The following MGAT4C variants were observed in gnomAD, a reference collection of about 807,000 sequenced individuals.
MGAT4C encodes the protein MGAT4 family member C.
MGAT4C carries 19 observed loss-of-function variants against 40.1 expected under a neutral mutation model. The ratio of observed to expected loss-of-function variants is 0.47; its 90% CI spans 0.33 to 0.70. The LOEUF (loss-of-function observed/expected upper bound fraction) is 0.70, where lower values mean the gene tolerates loss of function less well. Among genes scored for constraint, MGAT4C ranks in the 30% least tolerant of loss-of-function variants. MGAT4C has a pLI of 0.02. For missense variants in MGAT4C, 491 were observed against 563.2 expected (o/e 0.87, Z 1.30); for synonymous variants, 181 against 187.1 (o/e 0.97, Z 0.27).
intron 1 of MGAT4C, among the ~76,000 whole-genome samples, chr12:86,248,955 A>T (rs1246005855): frequency 6.6e-6 from 1 of 152,188 alleles, no homozygotes; most frequent in African/African-American, 2.4e-5. Context: ...ACTGTAAATC[A>T]CATGCCACTT....
At chr12:86,085,714 T>C (rs7294859) in intron 1 of MGAT4C, among the ~76,000 whole-genome samples, 121,942 of 152,070 alleles carry the variant, frequency 0.8, 49,609 homozygotes, top group East Asian at 0.97. Flanking sequence ...ACAACCATAT[T>C]AAAAGGTGGG....
intron 3 of MGAT4C, among the ~76,000 whole-genome samples, chr12:86,425,238 C>T (rs1389720318): frequency 1.3e-5 from 2 of 152,112 alleles, no homozygotes; most frequent in African/African-American, 2.4e-5. Flanking sequence ...AATACACTGA[C>T]AATATTTTCA....
intron 1 of MGAT4C, among the ~76,000 whole-genome samples, chr12:86,212,852 G>A (rs2452810): frequency 0.54 from 21,297 of 39,684 alleles, 6,722 homozygotes; most frequent in Middle Eastern, 0.72. Flanking sequence ...AGATCCCGCA[G>A]CTGCACTCCA....
intron 2 of MGAT4C, among the ~76,000 whole-genome samples, chr12:86,674,122 T>A (rs1177416645): frequency 6.6e-6 from 1 of 152,140 alleles, no homozygotes; most frequent in African/African-American, 2.4e-5. Context: ...TACAGTCAAA[T>A]ATCCAGAGAG....
intron 1 of MGAT4C, among the ~76,000 whole-genome samples, chr12:86,741,953 C>G (rs1221978425): frequency 1.3e-5 from 2 of 151,390 alleles, no homozygotes; most frequent in Non-Finnish European, 3.0e-5. Flanking sequence ...TGTATTTAAA[C>G]AACATTATTT....
intron 2 of MGAT4C, among the ~76,000 whole-genome samples, chr12:86,569,661 C>T (rs796476806): frequency 6.6e-6 from 1 of 151,734 alleles, no homozygotes; most frequent in South Asian, 2.1e-4. Flanking sequence ...ATAGAAGTAC[C>T]AAAAATTGGG....
intron 1 of MGAT4C, among the ~76,000 whole-genome samples, chr12:86,104,582 A>G (rs1875794124): frequency 6.6e-6 from 1 of 152,168 alleles, no homozygotes; most frequent in South Asian, 2.1e-4. Context: ...AGAAAAAGAT[A>G]ACTTTTGTTT....
At chr12:86,822,549 T>C (rs1484027347) in intron 1 of MGAT4C, among the ~76,000 whole-genome samples, 1 of 120,128 alleles carries the variant, frequency 8.3e-6, no homozygotes, top group Non-Finnish European at 1.9e-5. Context: ...GCTATACTTA[T>C]ATCAGACAAA....
chr12:86,005,038 C>T lies in MGAT4C; in HGVS notation c.-6-15486G>A, dbSNP rs562348240. Among the ~76,000 whole-genome samples the T allele has an allele frequency of 8.0e-4, 122 of 152,282 alleles. 1 individual carries two copies. Among genetic ancestry groups the T allele is most frequent in the Non-Finnish European group, 1.3e-3 (89 of 68,020 alleles). ...CGGATCATGCCTCATGGCATCATCT[C>T]GTTGTAAGATCAAATCAGATCACAC... On this transcript the variant is annotated intron_variant, in intron 2 of 4. Transcript: ENST00000611864.
chr12:86,578,874 T>C (rs1026783584), intron 2 of MGAT4C, among the ~76,000 whole-genome samples: 2 of 151,634 alleles, frequency 1.3e-5, no homozygotes, highest in African/African-American at 4.8e-5. Flanking sequence ...TTTTTTCTTC[T>C]AATGTTTTTG....
intron 2 of MGAT4C, among the ~76,000 whole-genome samples, chr12:86,582,690 A>G (rs1403131501): frequency 6.6e-6 from 1 of 151,320 alleles, no homozygotes; most frequent in Non-Finnish European, 1.5e-5. Context: ...TCTGAATCTG[A>G]TACACAGTCT....
intron 1 of MGAT4C, among the ~76,000 whole-genome samples, chr12:86,825,584 TAC>T (rs1952791272): frequency 6.6e-6 from 1 of 151,452 alleles, no homozygotes; most frequent in Non-Finnish European, 1.5e-5. Context: ...AGCTTCGATA[TAC>T]ACAGATACAT....
At chr12:86,320,208 A>G (rs1358347178) in intron 4 of MGAT4C, among the ~76,000 whole-genome samples, 3 of 152,156 alleles carry the variant, frequency 2.0e-5, no homozygotes, top group East Asian at 3.9e-4. Flanking sequence ...TGTCTGAGAA[A>G]AAAATATTGA....
rs993224393 is a variant in MGAT4C at position 86,676,894 on chromosome 12, C to T, written c.-229+50315G>A. ...TAGAAATTGAGATTCAAGAACAGAA[C>T]TCTCAGAAACATAAATATTTAAAAG... On this transcript the variant is annotated intron_variant, in intron 2 of 7. Transcript: ENST00000548651. Among the ~76,000 whole-genome samples, 17 of 152,064 alleles carry T rather than the reference C, an allele frequency of 1.1e-4. 1 individual carries two copies. The highest frequency in any genetic ancestry group is 3.9e-4 in the African/African-American group (16 of 41,420).
intron 2 of MGAT4C, among the ~76,000 whole-genome samples, chr12:86,618,043 G>C (rs1962512317): frequency 6.6e-6 from 1 of 152,034 alleles, no homozygotes; most frequent in African/African-American, 2.4e-5. Context: ...TTTCTCAAAG[G>C]AATACATACA....
intron 1 of MGAT4C, among the ~76,000 whole-genome samples, chr12:86,150,492 A>G (rs1884139051): frequency 6.6e-6 from 1 of 152,194 alleles, no homozygotes; most frequent in African/African-American, 2.4e-5. Flanking sequence ...TAGTTTGCAT[A>G]CATGCTTTTT....
intron 1 of MGAT4C, among the ~76,000 whole-genome samples, chr12:86,096,248 C>A (rs995283479): frequency 6.6e-6 from 1 of 151,568 alleles, no homozygotes; most frequent in Non-Finnish European, 1.5e-5. Flanking sequence ...TTATTTCTGG[C>A]CATTATAGGT....
intron 3 of MGAT4C, among the ~76,000 whole-genome samples, chr12:86,408,479 C>CTGTATATATATATATA (rs1267344319): frequency 2.5e-4 from 16 of 63,346 alleles, no homozygotes; most frequent in African/African-American, 1.3e-3. Flanking sequence ...CTCTCTCTCT[C>CTGTATATATATATATA]TATATATATA....
chr12:86,345,721 C>T (rs1312578158), intron 3 of MGAT4C, among the ~76,000 whole-genome samples: 2 of 152,104 alleles, frequency 1.3e-5, no homozygotes, highest in East Asian at 3.9e-4. Flanking sequence ...CATACATGTC[C>T]ATGTGCCTTT....
Sources: gnomAD v4.1 joint callset for allele counts (sites outside exome capture counted in the v4.1 genomes callset) on GRCh38, gnomAD v4.1.1 for gene constraint, MANE v1.5 for transcripts, NCBI Gene and HGNC (gene_info 2026-07-23, HGNC 2026-07-21) for gene names.